The following SRBD1 variants were observed in gnomAD, a reference collection of about 807,000 sequenced individuals.
SRBD1 encodes S1 RNA binding domain 1.
In SRBD1, 88 loss-of-function variants were observed where a neutral mutation model predicts 115.3. The observed-to-expected ratio is 0.76, with a 90% CI of 0.64 to 0.91. The LOEUF (loss-of-function observed/expected upper bound fraction) is 0.91, where lower values mean the gene tolerates loss of function less well. SRBD1 is among the 40% of genes least tolerant of loss of function. The pLI is 0.00. For missense variants in SRBD1, 1,385 were observed against 1,177.4 expected, an observed-to-expected ratio of 1.18 and a Z score of -2.58; for synonymous variants, 509 against 407.7, an observed-to-expected ratio of 1.25 and a Z score of -2.99.
chr2:45,405,797 A>C (rs1464136175), intron 19 of SRBD1, among the ~76,000 whole-genome samples: 4 of 152,092 alleles, frequency 2.6e-5, no homozygotes, highest in Admixed American at 2.0e-4. Context: ...ATTTCAGAAG[A>C]GGGGTAAGGA....
At chr2:45,516,615 T>C (rs552873052) in intron 14 of SRBD1, among the ~76,000 whole-genome samples, 1 of 152,334 alleles carries the variant, frequency 6.6e-6, no homozygotes, top group African/African-American at 2.4e-5. Context: ...TTTGGATTAT[T>C]CTGTACTGTT....
intron 4 of SRBD1, among the ~76,000 whole-genome samples, chr2:45,590,923 A>G (rs947103473): frequency 6.6e-6 from 1 of 151,884 alleles, no homozygotes; most frequent in Non-Finnish European, 1.5e-5. Context: ...AGACTGAGAC[A>G]GGGGAATCAC....
intron 4 of SRBD1, among the ~76,000 whole-genome samples, chr2:45,586,792 C>A (rs1673538288): frequency 6.6e-6 from 1 of 150,986 alleles, no homozygotes; most frequent in Non-Finnish European, 1.5e-5. Context: ...AGCAATCCTC[C>A]CGTCTCAGCC....
chr2:45,491,710 A>G (rs1670297010), intron 14 of SRBD1, among the ~76,000 whole-genome samples: 1 of 152,216 alleles, frequency 6.6e-6, no homozygotes, highest in African/African-American at 2.4e-5. Context: ...ATTTTAAGGA[A>G]ACAAACCACA....
chr2:45,499,072 T>C (rs182070073), intron 14 of SRBD1, among the ~76,000 whole-genome samples: 42 of 152,292 alleles, frequency 2.8e-4, no homozygotes, highest in African/African-American at 9.1e-4. Context: ...GGAACCCATA[T>C]AGAATTTTCC....
intron 4 of SRBD1, among the ~76,000 whole-genome samples, chr2:45,598,472 G>A (rs1020352840): frequency 2.0e-5 from 3 of 152,020 alleles, no homozygotes; most frequent in African/African-American, 7.3e-5. Flanking sequence ...AAATTAGCCG[G>A]GCGTGGTGGC....
chr2:45,494,510 G>A (rs965623883), intron 14 of SRBD1, among the ~76,000 whole-genome samples: 9 of 151,954 alleles, frequency 5.9e-5, no homozygotes, highest in Non-Finnish European at 1.2e-4. Context: ...ATAAAAGAAA[G>A]ATAGCTAAGC....
chr2:45,533,176 G>A (rs927605412), intron 14 of SRBD1, among the ~76,000 whole-genome samples: 2 of 151,916 alleles, frequency 1.3e-5, no homozygotes, highest in African/African-American at 4.8e-5. Flanking sequence ...TGGTTCCAGT[G>A]GTAGCAATTG....
chr2:45,477,590 C>T (rs1406462541), intron 15 of SRBD1, among the ~76,000 whole-genome samples: 1 of 152,080 alleles, frequency 6.6e-6, no homozygotes. Flanking sequence ...CACTCTGTTA[C>T]CCTGGATAGA....
intron 16 of SRBD1, among the ~76,000 whole-genome samples, chr2:45,449,090 AT>A (rs551578052): frequency 2.6e-4 from 40 of 152,354 alleles, no homozygotes; most frequent in African/African-American, 8.4e-4. Flanking sequence ...ATTCAATTAT[AT>A]GAACAAATTT....
intron 16 of SRBD1, among the ~76,000 whole-genome samples, chr2:45,463,453 C>T (rs954055006): frequency 2.0e-5 from 3 of 152,134 alleles, no homozygotes; most frequent in Non-Finnish European, 4.4e-5. Context: ...ATGAGTTAAT[C>T]AACATTCCTG....
intron 14 of SRBD1, among the ~76,000 whole-genome samples, chr2:45,530,829 G>A (rs1671588736): frequency 1.3e-5 from 2 of 151,956 alleles, no homozygotes; most frequent in South Asian, 2.1e-4. Context: ...TGTCAACAAA[G>A]GGGCAAGCTG....
intron 16 of SRBD1, among the ~76,000 whole-genome samples, chr2:45,429,016 C>T (rs926726013): frequency 1.3e-5 from 2 of 152,148 alleles, no homozygotes; most frequent in Admixed American, 1.3e-4. Flanking sequence ...ATACTATAAA[C>T]ACCTTTACGC....
rs1256732269 is a variant in SRBD1, at chr2:45,455,291, GA to G, written c.2049+21701del. Among the ~76,000 whole-genome samples, 5 of 151,886 alleles carry G rather than the reference GA, an allele frequency of 3.3e-5. 1 individual carries two copies. In the East Asian group the frequency reaches 7.7e-4, roughly 23 times the overall value. ...ACCAGTTCATTTCAGAAAGAAGGCAGAAGCATTTTTTAAAAACTGTGTAAGA... is the reference window on the plus strand; with the variant it reads ...ACCAGTTCATTTCAGAAAGAAGGCAGAGCATTTTTTAAAAACTGTGTAAGA... On this transcript the variant is annotated intron_variant, in intron 16 of 20. Transcript: ENST00000263736.
chr2:45,495,976 C>G (rs1351896081), intron 14 of SRBD1, among the ~76,000 whole-genome samples: 1 of 152,126 alleles, frequency 6.6e-6, no homozygotes, highest in Non-Finnish European at 1.5e-5. Flanking sequence ...GCACTTAACT[C>G]CAAAATTATT....
intron 19 of SRBD1, among the ~76,000 whole-genome samples, chr2:45,412,012 T>C (rs115952770): frequency 0.012 from 1,756 of 151,648 alleles, 31 homozygotes; most frequent in African/African-American, 0.031. Context: ...ACTTAGGAGG[T>C]TGACGCGCAA....
intron 5 of SRBD1, among the ~76,000 whole-genome samples, chr2:45,582,346 T>C (rs1444872640): frequency 6.6e-6 from 1 of 152,240 alleles, no homozygotes; most frequent in Admixed American, 6.5e-5. Flanking sequence ...ATAGAAGTCA[T>C]ACTGTGTTCT....
intron 14 of SRBD1, among the ~76,000 whole-genome samples, chr2:45,532,356 T>C (rs1444670761): frequency 2.6e-5 from 4 of 151,886 alleles, no homozygotes; most frequent in African/African-American, 7.2e-5. Context: ...ATGTTGGCTA[T>C]CTTTCATGTA....
chr2:45,409,507 G>C (rs868350719), intron 19 of SRBD1, among the ~76,000 whole-genome samples: 5 of 99,802 alleles, frequency 5.0e-5, no homozygotes, highest in African/African-American at 2.0e-4. Flanking sequence ...CCCGGCCATT[G>C]CAATAGGCAA....
Sources: gnomAD v4.1 joint callset for allele counts (sites outside exome capture counted in the v4.1 genomes callset) on GRCh38, gnomAD v4.1.1 for gene constraint, MANE v1.5 for transcripts, NCBI Gene and HGNC (gene_info 2026-07-23, HGNC 2026-07-21) for gene names.